The following IGDCC3 variants were observed in gnomAD, a reference collection of about 807,000 sequenced individuals.
IGDCC3 encodes putative neuronal cell adhesion molecule.
A neutral mutation model predicts 72.0 loss-of-function variants in IGDCC3; 47 were observed. The ratio of observed to expected loss-of-function variants is 0.65; its 90% CI spans 0.52 to 0.83. The LOEUF (loss-of-function observed/expected upper bound fraction) is 0.83, where lower values mean the gene tolerates loss of function less well. Among genes scored for constraint, IGDCC3 ranks in the 40% least tolerant of loss-of-function variants. The pLI is 0.00. For missense variants in IGDCC3, 1,038 were observed against 1,091.3 expected, an observed-to-expected ratio of 0.95 and a Z score of 0.69; for synonymous variants, 477 against 472.8, an observed-to-expected ratio of 1.01 and a Z score of -0.11.
chr15:65,343,160 G>A (rs967014318), intron 2 of IGDCC3, among the ~76,000 whole-genome samples: 1 of 152,190 alleles, frequency 6.6e-6, no homozygotes, highest in Non-Finnish European at 1.5e-5. Context: ...ACTGCTTAGC[G>A]CAGGCCTTGG....
chr15:65,367,902 G>A (rs2091298036), intron 2 of IGDCC3, among the ~76,000 whole-genome samples: 3 of 151,954 alleles, frequency 2.0e-5, no homozygotes, highest in Admixed American at 1.3e-4. Flanking sequence ...GACCCACCTG[G>A]CAACACACAC....
chr15:65,377,748 GC>G lies in IGDCC3; in HGVS notation c.40del (p.Ala14ProfsTer46). The G allele has an allele frequency of 7.6e-7, 1 of 1,317,430 alleles. No individual in the cohort carries two copies. The highest frequency in any genetic ancestry group is 4.0e-5 in the Admixed American group (1 of 24,934). 81.6% of individuals were successfully genotyped at this position (1,317,430 alleles called of 1,614,324 possible). ...QRAASPRRPP[A>X]PLWPRLLLPL... is the part of the protein sequence containing the mutation. ...CAGCAGGAGCCGGGGCCAGAGCGGG[GC>G]GGGCGGGCGGCGCGGAGACGCGGCG... is the stretch of plus-strand genomic sequence containing the variant. On this transcript the variant is annotated frameshift_variant, in exon 1 of 14. Transcript: ENST00000327987. LOFTEE classifies it high-confidence loss of function. The surrounding 1 kb of genome is among the most constrained non-coding windows in gnomAD (Gnocchi z 4.9).
At chr15:65,351,109 A>C (rs1427640447) in intron 2 of IGDCC3, among the ~76,000 whole-genome samples, 2 of 152,264 alleles carry the variant, frequency 1.3e-5, no homozygotes, top group African/African-American at 4.8e-5. Flanking sequence ...GTGTGTGAAC[A>C]TATTGGCTAA....
chr15:65,338,223 G>C (rs1287502965), intron 2 of IGDCC3, among the ~76,000 whole-genome samples: 1 of 152,184 alleles, frequency 6.6e-6, no homozygotes, highest in Admixed American at 6.5e-5. Context: ...CCCACCTCCT[G>C]CTCACATTTC....
In IGDCC3 at chr15:65,332,824, C is replaced by T. The variant is rs114260409; in HGVS notation, c.982+433G>A. ...ACGGGAGGGGAGGCAGCTCTGCCTG[C>T]GCAGTGAGGCTGCCGGCGACAGAGT... On this transcript the variant is annotated intron_variant, in intron 6 of 13. Transcript: ENST00000327987. Among the ~76,000 whole-genome samples the T allele has an allele frequency of 7.5e-3, 1,135 of 152,322 alleles. 11 individuals carry two copies. The highest frequency in any genetic ancestry group is 0.026 in the African/African-American group (1,084 of 41,562).
chr15:65,340,753 G>C (rs977442275), intron 2 of IGDCC3, among the ~76,000 whole-genome samples: 3 of 152,030 alleles, frequency 2.0e-5, no homozygotes, highest in African/African-American at 7.3e-5. Context: ...TTTTTTGAGA[G>C]AGACTCACTC....
At chr15:65,344,827 G>A (rs1362045490) in intron 2 of IGDCC3, among the ~76,000 whole-genome samples, 1 of 152,160 alleles carries the variant, frequency 6.6e-6, no homozygotes, top group Admixed American at 6.5e-5. Flanking sequence ...GCCTGGGGCT[G>A]TGTGCTGTGG....
chr15:65,373,126 T>C (rs945431418), intron 2 of IGDCC3, among the ~76,000 whole-genome samples: 4 of 152,194 alleles, frequency 2.6e-5, no homozygotes, highest in African/African-American at 7.2e-5. Flanking sequence ...GCTATATATA[T>C]ATAAGCCCCT....
In IGDCC3 at chr15:65,377,555, C is replaced by G. The variant is rs531584366; in HGVS notation, c.103+131G>C. 111 of 897,160 alleles carry G rather than the reference C, an allele frequency of 1.2e-4. 1 individual carries two copies. The Admixed American group carries it at 4.7e-3, about 38-fold the overall frequency. 55.6% of individuals were successfully genotyped at this position (897,160 alleles called of 1,614,324 possible). A position where few individuals can be genotyped will look rare whatever the true frequency, so the allele number is the denominator to read the frequency against. On this transcript the variant is annotated intron_variant, in intron 1 of 13. Transcript: ENST00000327987. The surrounding 1 kb of genome is among the most constrained non-coding windows in gnomAD (Gnocchi z 4.9). ...CTCTCCCCGTCCGGATCCGCAGGGT[C>G]CCCCCCGCGCGGGGTCCGCCCTCAG...
Position 65,329,471 on chromosome 15 carries a change from G to C in IGDCC3, c.2124C>G (p.Asp708Glu). The C allele has an allele frequency of 6.2e-7, 1 of 1,610,830 alleles. No individual in the cohort carries two copies. Among genetic ancestry groups the C allele is most frequent in the Non-Finnish European group, 8.5e-7 (1 of 1,179,070 alleles). Reference sequence around the variant, plus strand: ...GCTCCTTCATATCCACACGTTTCTCGTCTCGGCCCAGCTGGCCCCGCTGTC... The same window carrying C: ...GCTCCTTCATATCCACACGTTTCTCCTCTCGGCCCAGCTGGCCCCGCTGTC... Reference protein sequence around the residue: ...RRGQRGQLGRDEKRVDMKELE... With the variant: ...RRGQRGQLGREEKRVDMKELE... Residue 708 changes from aspartate to glutamate, a missense_variant, in exon 13 of 14, where the codon GAC (aspartate) becomes GAG (glutamate). By Grantham distance (45) the Asp-to-Glu change is conservative. Transcript: ENST00000327987. The surrounding 1 kb of genome is among the most constrained non-coding windows in gnomAD (Gnocchi z 4.1).
intron 2 of IGDCC3, among the ~76,000 whole-genome samples, chr15:65,367,641 C>G (rs1356111078): frequency 6.6e-6 from 1 of 152,148 alleles, no homozygotes; most frequent in Non-Finnish European, 1.5e-5. Flanking sequence ...GCTGGCCACT[C>G]TCCACCCAGT....
chr15:65,357,326 A>T (rs2091230454), intron 2 of IGDCC3, among the ~76,000 whole-genome samples: 1 of 152,218 alleles, frequency 6.6e-6, no homozygotes, highest in Non-Finnish European at 1.5e-5. Flanking sequence ...TCTGTTAAAT[A>T]ATTAGTGTTG....
chr15:65,362,850 T>C (rs975935476), intron 2 of IGDCC3, among the ~76,000 whole-genome samples: 1 of 89,508 alleles, frequency 1.1e-5, no homozygotes, highest in Non-Finnish European at 2.0e-5. Context: ...TTGGGGATTT[T>C]TTTTTTTTTT....
At chr15:65,331,237 G>A (rs943364145) in intron 8 of IGDCC3, 23 bp from the exon 9 acceptor site, 1 of 1,612,040 alleles carries the variant, frequency 6.2e-7, no homozygotes, top group Admixed American at 1.7e-5. Flanking sequence ...AGGGTGGGCA[G>A]GGGAGTGTGA....
rs1022677109 is a variant in IGDCC3 at position 65,377,047 on chromosome 15, C to T, written c.103+639G>A. Among the ~76,000 whole-genome samples, 3 of 152,140 alleles carry T rather than the reference C, an allele frequency of 2.0e-5. No individual in the cohort carries two copies. Among genetic ancestry groups the T allele is most frequent in the South Asian group, 4.1e-4 (2 of 4,830 alleles). On this transcript the variant is annotated intron_variant, in intron 1 of 13. Transcript: ENST00000327987. This position sits in a 1 kb window ranked among gnomAD's most constrained non-coding sequence, Gnocchi z 4.9. Reference sequence around the variant, plus strand: ...GGAAGGGCAGGGGCACGTGAGCATCCCCGCGGCTCGCTCGCTCTCGCTTTC... The same window carrying T: ...GGAAGGGCAGGGGCACGTGAGCATCTCCGCGGCTCGCTCGCTCTCGCTTTC...
At chr15:65,361,441 G>C (rs1044522030) in intron 2 of IGDCC3, among the ~76,000 whole-genome samples, 2 of 149,280 alleles carry the variant, frequency 1.3e-5, no homozygotes, top group African/African-American at 5.0e-5. Context: ...GACAGAGCAA[G>C]ACCCTGTCGA....
rs2091023340 is a variant in IGDCC3 at position 65,335,808 on chromosome 15, T to G, written c.554+4A>C. Reference sequence around the variant, plus strand: ...TCCCTCTGTCTTTCCCACACGTGGCTCACCTCTCATTGTCCGTGTCAATTG... The same window carrying G: ...TCCCTCTGTCTTTCCCACACGTGGCGCACCTCTCATTGTCCGTGTCAATTG... On this transcript the variant is annotated splice_donor_region_variant and intron_variant, in intron 3 of 13. Transcript: ENST00000327987. The G allele has an allele frequency of 6.2e-7, 1 of 1,613,966 alleles. No homozygotes were observed.
At chr15:65,356,830 G>A (rs1195265539) in intron 2 of IGDCC3, among the ~76,000 whole-genome samples, 1 of 105,246 alleles carries the variant, frequency 9.5e-6, no homozygotes, top group Admixed American at 9.3e-5. Context: ...GCTGATGTGA[G>A]ATTTGAGAAT....
At chr15:65,346,651 G>A (rs2140151788) in intron 2 of IGDCC3, among the ~76,000 whole-genome samples, 1 of 152,230 alleles carries the variant, frequency 6.6e-6, no homozygotes, top group Admixed American at 6.5e-5. Context: ...TAGAGACAGG[G>A]TCTCACCATG....
Sources: gnomAD v4.1 joint callset for allele counts (sites outside exome capture counted in the v4.1 genomes callset) on GRCh38, gnomAD v4.1.1 for gene constraint, Gnocchi (gnomAD v3.1) non-coding constraint, MANE v1.5 for transcripts, NCBI Gene and HGNC (gene_info 2026-07-23, HGNC 2026-07-21) for gene names.